Variants in CACNB2 observed in about 807,000 individuals in gnomAD.
The protein encoded by CACNB2 is calcium voltage-gated channel auxiliary subunit beta 2, also known as voltage-dependent L-type calcium channel subunit beta-2.
A neutral mutation model predicts 73.3 loss-of-function variants in CACNB2; 42 were observed. The ratio of observed to expected loss-of-function variants is 0.57; its 90% CI spans 0.45 to 0.74. The LOEUF (loss-of-function observed/expected upper bound fraction) is 0.74. Among genes scored for constraint, CACNB2 ranks in the 30% least tolerant of loss-of-function variants. CACNB2 has a pLI of 0.00. For synonymous variants in CACNB2, 348 were observed against 310.3 expected (o/e 1.12, Z -1.28); for missense variants, 940 against 853.0 (o/e 1.10, Z -1.27).
rs11014301 is a variant in CACNB2, at chr10:18,454,716, G to A, written c.334-43639G>A. Reference sequence around the variant, plus strand: ...ACACATGCACAATTTTCTTTCCAATGGAGGAGACAGATGATACTGGTTTTT... The same window carrying A: ...ACACATGCACAATTTTCTTTCCAATAGAGGAGACAGATGATACTGGTTTTT... On this transcript the variant is annotated intron_variant, in intron 3 of 13. Transcript: ENST00000324631. Among the ~76,000 whole-genome samples, 1,974 of 152,272 alleles carry A rather than the reference G, an allele frequency of 0.013. 242 individuals are homozygous for A. In the East Asian group the frequency reaches 0.29, roughly 23 times the overall value.
At chr10:18,223,683 A>G (rs1184428293) in intron 2 of CACNB2, among the ~76,000 whole-genome samples, 14 of 152,164 alleles carry the variant, frequency 9.2e-5, no homozygotes, top group Admixed American at 8.5e-4. Context: ...TAAAAGTACT[A>G]CAGTCTTTTT....
rs3908476 is a variant in CACNB2, at chr10:18,433,830, T to A, written c.333+31787T>A. ...GGCAAGTTTGAAACTGTCTATCCCC[T>A]AATCCTTTTTTCTACCATCAAAACT... is the stretch of plus-strand genomic sequence containing the variant. On this transcript the variant is annotated intron_variant, in intron 3 of 13. Coordinates refer to ENST00000324631, the MANE Select transcript of CACNB2 (RefSeq NM_201596.3). Among the ~76,000 whole-genome samples, 2,251 of 152,250 alleles carry A rather than the reference T, an allele frequency of 0.015. 295 individuals carry two copies. The East Asian group carries it at 0.33, about 22-fold the overall frequency.
At chr10:18,383,527 GC>G (rs928874298) in intron 2 of CACNB2, among the ~76,000 whole-genome samples, 2 of 152,186 alleles carry the variant, frequency 1.3e-5, no homozygotes, top group Non-Finnish European at 2.9e-5. Flanking sequence ...CATGTGCCAA[GC>G]CCTGTGCTAG....
rs980914236 is a variant in CACNB2 at position 18,528,486 on chromosome 10, T to C, written c.1054+789T>C. The stretch of plus-strand genomic sequence containing the variant: ...TAAACTTTCTGAGAGTTGTGTCAGA[T>C]CTTTGAGCTTAATTTTTCTCTGTTT... On this transcript the variant is annotated intron_variant, in intron 10 of 13. Coordinates refer to ENST00000324631, the MANE Select transcript of CACNB2 (RefSeq NM_201596.3). Among the ~76,000 whole-genome samples, 17 of 152,300 alleles carry C rather than the reference T, an allele frequency of 1.1e-4. No homozygotes were observed. In the East Asian group the frequency reaches 2.1e-3, roughly 19 times the overall value.
intron 2 of CACNB2, among the ~76,000 whole-genome samples, chr10:18,348,136 G>A (rs1314137526): frequency 2.0e-5 from 3 of 152,150 alleles, no homozygotes; most frequent in East Asian, 1.9e-4. Flanking sequence ...CTCTGTTGAC[G>A]AAATTGCCAC....
intron 2 of CACNB2, among the ~76,000 whole-genome samples, chr10:18,221,666 G>A (rs182890266): frequency 7.9e-4 from 120 of 152,290 alleles, no homozygotes; most frequent in African/African-American, 2.6e-3. Context: ...GCAACAGAGC[G>A]AGACTGTCTC....
chr10:18,533,894 A>G (rs1268971722), intron 10 of CACNB2, among the ~76,000 whole-genome samples, 182 bp from the exon 11 acceptor site: 1 of 152,226 alleles, frequency 6.6e-6, no homozygotes, highest in African/African-American at 2.4e-5. Context: ...AATCCTAATG[A>G]TGTGTGGAGA....
At chr10:18,367,410 A>G (rs955865220) in intron 2 of CACNB2, among the ~76,000 whole-genome samples, 29 of 152,212 alleles carry the variant, frequency 1.9e-4, no homozygotes, top group Admixed American at 9.8e-4. Flanking sequence ...GTGTAACTAT[A>G]GACAGTTTAC....
intron 2 of CACNB2, among the ~76,000 whole-genome samples, chr10:18,230,102 C>T (rs2036166972): frequency 6.6e-6 from 1 of 152,156 alleles, no homozygotes; most frequent in Non-Finnish European, 1.5e-5. Flanking sequence ...CTGTACCTAA[C>T]ATAGGAAATT....
chr10:18,304,282 G>A (rs1318148970), intron 2 of CACNB2, among the ~76,000 whole-genome samples: 1 of 152,128 alleles, frequency 6.6e-6, no homozygotes, highest in Non-Finnish European at 1.5e-5. Flanking sequence ...ACGTAGAATT[G>A]CAAGTCATGG....
intron 2 of CACNB2, among the ~76,000 whole-genome samples, chr10:18,331,604 T>A (rs1000337378): frequency 1.3e-5 from 2 of 152,262 alleles, no homozygotes; most frequent in Non-Finnish European, 2.9e-5. Context: ...TCCTCCAACA[T>A]GTTACTAGAA....
intron 2 of CACNB2, among the ~76,000 whole-genome samples, chr10:18,302,409 C>T (rs560643515): frequency 2.7e-4 from 41 of 152,280 alleles, no homozygotes; most frequent in South Asian, 1.0e-3. Context: ...ACGTTTATAG[C>T]AGCAGAATTC....
rs199908591 is a variant in CACNB2, at chr10:18,518,353, G to A, written c.822G>A (p.Pro274=). 9.9e-6 allele frequency: 16 copies of A among 1,613,106 alleles called. No individual in the cohort carries two copies. Among genetic ancestry groups the A allele is most frequent in the East Asian group, 2.2e-5 (1 of 44,884 alleles). The change falls in exon 8 of 14, where the codon CCG becomes CCA. Residue 274 remains proline, a synonymous_variant. Coordinates refer to ENST00000324631, the MANE Select transcript of CACNB2 (RefSeq NM_201596.3). The stretch of plus-strand genomic sequence containing the variant: ...CTCTGCAGACAGAGCACACTCCTCC[G>A]TATGATGTGGTACCTTCCATGCGAC... ...PFFKKTEHTP[P]YDVVPSMRPV...
intron 2 of CACNB2, among the ~76,000 whole-genome samples, chr10:18,247,019 G>T (rs1444002369): frequency 6.6e-6 from 1 of 152,110 alleles, no homozygotes; most frequent in Non-Finnish European, 1.5e-5. Context: ...TAGGTAAGAT[G>T]CAGCCTCGCA....
rs528169274 is a variant in CACNB2 at position 18,241,520 on chromosome 10, A to T, written c.213+90545A>T. Among the ~76,000 whole-genome samples, 11 of 152,142 alleles carry T rather than the reference A, an allele frequency of 7.2e-5. No homozygotes were observed. In the South Asian group the frequency reaches 1.7e-3, roughly 23 times the overall value. On this transcript the variant is annotated intron_variant, in intron 2 of 13. Coordinates refer to ENST00000324631, the MANE Select transcript of CACNB2 (RefSeq NM_201596.3). ...GATGGGTGCAGCAAACCACCATGGC[A>T]TATGTATACCTATGTAAGAAACCTG...
intron 3 of CACNB2, among the ~76,000 whole-genome samples, chr10:18,463,075 C>T (rs765288692): frequency 1.2e-4 from 18 of 152,122 alleles, no homozygotes; most frequent in Non-Finnish European, 1.9e-4. Flanking sequence ...CATTTATTGA[C>T]CTCACTTCAT....
chr10:18,210,463 G>A (rs1588707807), intron 2 of CACNB2, among the ~76,000 whole-genome samples: 1 of 152,234 alleles, frequency 6.6e-6, no homozygotes, highest in African/African-American at 2.4e-5. Context: ...AGAAGCTGGT[G>A]GGGGTTGGGG....
At chr10:18,431,397 A>G (rs1444189047) in intron 3 of CACNB2, among the ~76,000 whole-genome samples, 1 of 152,220 alleles carries the variant, frequency 6.6e-6, no homozygotes, top group Non-Finnish European at 1.5e-5. Context: ...TGATGCCTCA[A>G]GTAGGTCCCA....
chr10:18,508,183 A>G (rs902267049), intron 6 of CACNB2, among the ~76,000 whole-genome samples: 1 of 152,244 alleles, frequency 6.6e-6, no homozygotes, highest in African/African-American at 2.4e-5. Flanking sequence ...CAAGTGAGCA[A>G]AATCTGAGCA....
Sources: gnomAD v4.1 joint callset for allele counts (sites outside exome capture counted in the v4.1 genomes callset) on GRCh38, gnomAD v4.1.1 for gene constraint, MANE v1.5 for transcripts, NCBI Gene and HGNC (gene_info 2026-07-23, HGNC 2026-07-21) for gene names.